RNMT: variants seen among roughly 807,000 people sequenced by gnomAD.
The protein encoded by RNMT is mRNA cap guanine-N(7) methyltransferase.
Under a neutral mutation model 56.0 loss-of-function variants are expected in RNMT, and 27 were observed. The observed-to-expected ratio is 0.48, with a 90% confidence interval of 0.36 to 0.67. The LOEUF is 0.67. Among genes scored for constraint, RNMT ranks in the 30% least tolerant of loss-of-function variants. The probability of loss-of-function intolerance (pLI) is 0.00; values close to 1 mark genes in which losing one functional copy is unlikely to be tolerated. For synonymous variants in RNMT, 184 were observed against 176.2 expected (o/e 1.04, Z -0.35); for missense variants, 519 against 552.1 (o/e 0.94, Z 0.60).
At position 13,761,869 on chromosome 18, in the gene RNMT, CTG is replaced by C; in HGVS notation, c.*1894_*1895del. ...CCCCCCTCCCCCCGGCCCCAAGCCC[CTG>C]TGTCTCCTTGTTACAATTAAGTTTC... is the stretch of plus-strand genomic sequence containing the variant. On this transcript the variant is annotated 3_prime_UTR_variant, in exon 12 of 12. Transcript: ENST00000383314. The C allele has an allele frequency of 8.3e-7, 1 of 1,211,004 alleles. No homozygotes were observed. The highest frequency in any genetic ancestry group is 1.0e-6 in the Non-Finnish European group (1 of 969,962). 75.0% of individuals were successfully genotyped at this position (1,211,004 alleles called of 1,614,324 possible). A position where few individuals can be genotyped will look rare whatever the true frequency, so the allele number is the denominator to read the frequency against.
At chr18:13,734,703 T>G (rs1602001076) in intron 4 of RNMT, 104 bp downstream of exon 4, 3 of 930,680 alleles carry the variant, frequency 3.2e-6, no homozygotes, top group East Asian at 2.6e-5. Flanking sequence ...GAAGACAAAT[T>G]CTTCTAATAT....
At chr18:13,753,816 TACACACACACACAC>T (rs3138630) in intron 10 of RNMT, among the ~76,000 whole-genome samples, 2,663 of 144,492 alleles carry the variant, frequency 0.018, 30 homozygotes, top group Middle Eastern at 0.065. Flanking sequence ...ATTTTCCAGT[TACACACACACACAC>T]ACACACACAC....
intron 8 of RNMT, among the ~76,000 whole-genome samples, chr18:13,743,348 AT>A (rs1421409436): frequency 4.0e-5 from 6 of 149,292 alleles, no homozygotes; most frequent in African/African-American, 9.8e-5. Context: ...AAATAAATAA[AT>A]AAATAAATAA....
chr18:13,751,412 A>G (rs1360861988), intron 9 of RNMT, among the ~76,000 whole-genome samples: 3 of 152,250 alleles, frequency 2.0e-5, no homozygotes, highest in African/African-American at 2.4e-5. Context: ...CAAAACCACA[A>G]TGAGATACCA....
intron 11 of RNMT, among the ~76,000 whole-genome samples, chr18:13,754,767 G>T (rs1399262125): frequency 1.3e-5 from 2 of 152,174 alleles, no homozygotes; most frequent in Admixed American, 1.3e-4. Context: ...GGAATTTTTG[G>T]CTTATAGAAT....
At position 13,762,185 on chromosome 18, in the gene RNMT, A is replaced by C. The variant is rs1178971573; in HGVS notation, c.*2206A>C. ...AGAATGGAATTGGAAATGAAGACCT[A>C]ACCAGCTATTGGTGGGAATGACGGA... On this transcript the variant is annotated 3_prime_UTR_variant, in exon 12 of 12. Coordinates refer to ENST00000383314, the MANE Select transcript of RNMT (RefSeq NM_003799.3). The C allele has an allele frequency of 6.6e-7, 1 of 1,514,808 alleles. No homozygotes were observed. Among genetic ancestry groups the C allele is most frequent in the Admixed American group, 2.1e-5 (1 of 48,640 alleles). The allele number at this position is 1,514,808 out of a possible 1,614,324, so 93.8% of individuals were successfully genotyped here.
At position 13,761,593 on chromosome 18, in the gene RNMT, A is replaced by G. The variant is rs1274580091; in HGVS notation, c.*1614A>G. ...ACTTGGGGGAGAGAAGAATCCTCCA[A>G]ACGATGGAGTAGCCAGTGGTAATAC... On this transcript the variant is annotated 3_prime_UTR_variant, in exon 12 of 12. Transcript: ENST00000383314. The G allele has an allele frequency of 6.0e-6, 6 of 992,722 alleles. No homozygotes were observed. The Admixed American group carries it at 1.7e-4, about 28-fold the overall frequency. 61.5% of individuals were successfully genotyped at this position (992,722 alleles called of 1,614,324 possible).
At chr18:13,746,180 C>A in intron 8 of RNMT, 40 bp from the exon 9 acceptor site, 2 of 1,042,862 alleles carry the variant, frequency 1.9e-6, no homozygotes, top group Non-Finnish European at 2.9e-6. Flanking sequence ...GAATTACAAA[C>A]ATGTGGAAGC....
intron 1 of RNMT, among the ~76,000 whole-genome samples, chr18:13,728,084 C>T (rs897162199): frequency 2.0e-5 from 3 of 152,120 alleles, no homozygotes; most frequent in African/African-American, 7.2e-5. Flanking sequence ...TCTTTTGGAT[C>T]TGTACCCAGA....
Position 13,761,532 on chromosome 18 carries a change from T to C in RNMT, c.*1553T>C, listed in dbSNP as rs781024166. On this transcript the variant is annotated 3_prime_UTR_variant, in exon 12 of 12. Transcript: ENST00000383314. ...AATTAACAGGTAATAATAATACATGTACTTTTAGCCTGAAACCTCTTCCAC... is the reference window on the plus strand; with the variant it reads ...AATTAACAGGTAATAATAATACATGCACTTTTAGCCTGAAACCTCTTCCAC... 30 of 991,764 alleles carry C rather than the reference T, an allele frequency of 3.0e-5. No homozygotes were observed. The highest frequency in any genetic ancestry group is 3.6e-5 in the Non-Finnish European group (30 of 833,528). The allele number at this position is 991,764 out of a possible 1,614,324, so 61.4% of individuals were successfully genotyped here. A position where few individuals can be genotyped will look rare whatever the true frequency, so the allele number is the denominator to read the frequency against.
In RNMT at chr18:13,740,325, T is replaced by G. The variant is rs774917735; in HGVS notation, c.792+46T>G. ...CAATTTATTTTTTACATTTTTAGTT[T>G]GGGTAAATAATTTGTTTTAAAAATC... On this transcript the variant is annotated intron_variant, in intron 6 of 11. Transcript: ENST00000383314. The G allele has an allele frequency of 3.7e-5, 38 of 1,031,894 alleles. No individual in the cohort carries two copies. The African/African-American group carries it at 5.9e-4, about 16-fold the overall frequency. The allele number at this position is 1,031,894 out of a possible 1,614,324, so 63.9% of individuals were successfully genotyped here. A position where few individuals can be genotyped will look rare whatever the true frequency, so the allele number is the denominator to read the frequency against.
Position 13,741,599 on chromosome 18 carries a change from T to C in RNMT, c.882T>C (p.Tyr294=), listed in dbSNP as rs762692304. The change falls in exon 7 of 12, where the codon TAT becomes TAC. Residue 294 remains tyrosine, a synonymous_variant. Transcript: ENST00000383314. The stretch of plus-strand genomic sequence containing the variant: ...TCTGTCATTACTCATTTGAGTCTTA[T>C]GAGCAGGCTGACATGATGCTGAGAA... ...QFVCHYSFES[Y]EQADMMLRNA... is the part of the protein sequence containing the mutation. The C allele has an allele frequency of 5.4e-5, 87 of 1,613,956 alleles. No individual in the cohort carries two copies. Among genetic ancestry groups the C allele is most frequent in the Non-Finnish European group, 6.6e-5 (78 of 1,179,918 alleles).
chr18:13,740,787 A>AT (rs1404811321), intron 6 of RNMT, among the ~76,000 whole-genome samples: 9 of 152,148 alleles, frequency 5.9e-5, no homozygotes, highest in Non-Finnish European at 5.9e-5. Flanking sequence ...AATACTTGTA[A>AT]TTTTTTGCTT....
At chr18:13,743,326 AAAAAAATAAAT>A (rs1466001319) in intron 8 of RNMT, among the ~76,000 whole-genome samples, 2,207 of 35,422 alleles carry the variant, frequency 0.062, 166 homozygotes, top group African/African-American at 0.15. Flanking sequence ...CCGTCTCAAA[AAAAAAATAAAT>A]AAATAAATAA....
chr18:13,740,371 A>T (rs750540039), intron 6 of RNMT, 92 bp downstream of exon 6: 18 of 740,970 alleles, frequency 2.4e-5, no homozygotes, highest in East Asian at 5.5e-5. Context: ...TTACTTTTTT[A>T]AAAAAATTTA....
chr18:13,754,000 G>C, intron 10 of RNMT, 114 bp from the exon 11 acceptor site: 1 of 619,880 alleles, frequency 1.6e-6, no homozygotes, highest in South Asian at 1.9e-5. Context: ...AATCGAATGT[G>C]TATTTACAGT....
rs752711714 is a variant in RNMT, at chr18:13,740,227, G to A, written c.740G>A (p.Arg247His). The change falls in exon 6 of 12, where the codon CGT becomes CAT. Residue 247 changes from arginine to histidine, a missense_variant. Coordinates refer to ENST00000383314, the MANE Select transcript of RNMT (RefSeq NM_003799.3). ...QQRYEDMKNRRDSEYIFSAEF... is the reference protein window; with the variant it reads ...QQRYEDMKNRHDSEYIFSAEF... ...CGGTATGAGGACATGAAAAATCGTCGTGATAGTGAATATATTTTCAGTGCA... is the reference window on the plus strand; with the variant it reads ...CGGTATGAGGACATGAAAAATCGTCATGATAGTGAATATATTTTCAGTGCA... 3.7e-6 allele frequency: 6 copies of A among 1,612,498 alleles called. No homozygotes were observed. The highest frequency in any genetic ancestry group is 2.2e-5 in the East Asian group (1 of 44,874).
Position 13,731,755 on chromosome 18 carries a change from A to G in RNMT, c.238A>G (p.Lys80Glu). 1 of 1,612,974 alleles carries G rather than the reference A, an allele frequency of 6.2e-7. No homozygotes were observed. Among genetic ancestry groups the G allele is most frequent in the East Asian group, 2.2e-5 (1 of 44,856 alleles). The change falls in exon 3 of 12, where the codon AAG (lysine) becomes GAG (glutamate). Residue 80 changes from lysine to glutamate, a missense_variant. By Grantham distance (56) the Lys-to-Glu change is moderately conservative (BLOSUM62 1). Coordinates refer to ENST00000383314, the MANE Select transcript of RNMT (RefSeq NM_003799.3). ...SSSCGKDTPS[K>E]KRKLDPEIVP... The stretch of plus-strand genomic sequence containing the variant: ...TAGTTGTGGGAAAGACACTCCATCC[A>G]AGAAGAGAAAACTTGATCCTGAAAT...
chr18:13,737,517 T>C (rs1196030579), intron 5 of RNMT, among the ~76,000 whole-genome samples: 1 of 151,814 alleles, frequency 6.6e-6, no homozygotes, highest in African/African-American at 2.4e-5. Context: ...CACACCAGCC[T>C]GAGTGACAGA....
Sources: gnomAD v4.1 joint callset for allele counts (sites outside exome capture counted in the v4.1 genomes callset) on GRCh38, gnomAD v4.1.1 for gene constraint, MANE v1.5 for transcripts, NCBI Gene and HGNC (gene_info 2026-07-23, HGNC 2026-07-21) for gene names.